Variants in RRP12 observed in about 807,000 individuals in gnomAD.
RRP12 encodes the protein ribosomal RNA processing 12 homolog.
RRP12 carries 78 observed loss-of-function variants against 157.3 expected under a neutral mutation model. The observed-to-expected ratio is 0.50, with a 90% CI of 0.41 to 0.60. RRP12 has a LOEUF of 0.60. Ranked by LOEUF, RRP12 falls within the 20% of genes least tolerant of loss-of-function variation. The pLI is 0.00. For synonymous variants in RRP12, 726 were observed against 670.9 expected, an observed-to-expected ratio of 1.08 and a Z score of -1.27; for missense variants, 1,521 against 1,679.9, an observed-to-expected ratio of 0.91 and a Z score of 1.65.
chr10:97,395,124 C>G (rs896977806), intron 3 of RRP12, among the ~76,000 whole-genome samples: 1 of 151,904 alleles, frequency 6.6e-6, no homozygotes, highest in Non-Finnish European at 1.5e-5. Context: ...GCCTGGGCAA[C>G]AAAGTGAGAC....
chr10:97,378,031 A>T (rs1348844563), intron 15 of RRP12, among the ~76,000 whole-genome samples: 1 of 152,094 alleles, frequency 6.6e-6, no homozygotes, highest in East Asian at 1.9e-4. Flanking sequence ...CGTAGGCCTG[A>T]GTCTGCCTAA....
chr10:97,386,006 A>G lies in RRP12; in HGVS notation c.1018-13T>C, dbSNP rs78266632. The G allele has an allele frequency of 1.6e-3, 2,505 of 1,558,720 alleles. 30 individuals are homozygous for G. The African/African-American group carries it at 0.027, about 17-fold the overall frequency. On this transcript the variant is annotated splice_polypyrimidine_tract_variant and intron_variant, in intron 8 of 33. Coordinates refer to ENST00000370992, the MANE Select transcript of RRP12 (RefSeq NM_015179.4). The stretch of plus-strand genomic sequence containing the variant: ...AGGCTGTCACCAGCTGGAGGGGGAC[A>G]CACAGGCTTAGAAAGGAACTACAAA...
chr10:97,395,237 C>T (rs1395055621), intron 3 of RRP12, among the ~76,000 whole-genome samples: 4 of 151,406 alleles, frequency 2.6e-5, no homozygotes, highest in African/African-American at 9.7e-5. Context: ...CATACATACA[C>T]AAATATATTT....
intron 8 of RRP12, among the ~76,000 whole-genome samples, chr10:97,387,491 G>A (rs1054260555): frequency 9.9e-5 from 15 of 152,040 alleles, no homozygotes; most frequent in African/African-American, 3.4e-4. Flanking sequence ...GTGCAGCCAT[G>A]CCCAGTTTCC....
intron 15 of RRP12, among the ~76,000 whole-genome samples, chr10:97,377,973 A>C (rs948265771): frequency 6.6e-6 from 1 of 152,346 alleles, no homozygotes; most frequent in East Asian, 1.9e-4. Flanking sequence ...AAGCTTCTGA[A>C]GCCATCACTA....
At chr10:97,383,122 G>A in intron 10 of RRP12, among the ~76,000 whole-genome samples, 1 of 152,140 alleles carries the variant, frequency 6.6e-6, no homozygotes, top group East Asian at 1.9e-4. Flanking sequence ...CCCCTCTGTG[G>A]GACACTTAGC....
Position 97,366,112 on chromosome 10 carries a change from G to A in RRP12, c.3513C>T (p.Ala1171=), listed in dbSNP as rs771648313. The A allele has an allele frequency of 6.2e-7, 1 of 1,602,878 alleles. No individual in the cohort carries two copies. The highest frequency in any genetic ancestry group is 8.5e-7 in the Non-Finnish European group (1 of 1,179,866). ...GGACAAGCGCGTTGGGCCCACCTTT[G>A]GCACCTTCCTCTTCCTCCATCTTGT... is the stretch of plus-strand genomic sequence containing the variant. ...DGNKMEEEEG[A]KGEDEEMADP... is the part of the protein sequence containing the mutation. The change falls in exon 29 of 34, where the codon GCC becomes GCT. Residue 1171 remains alanine (A), a synonymous_variant. Coordinates refer to ENST00000370992, the MANE Select transcript of RRP12 (RefSeq NM_015179.4).
In RRP12 at chr10:97,379,307, G is replaced by A; in HGVS notation, c.1784C>T (p.Thr595Ile). 6.2e-7 allele frequency: 1 copy of A among 1,614,070 alleles called. No individual in the cohort carries two copies. Among genetic ancestry groups the A allele is most frequent in the Non-Finnish European group, 8.5e-7 (1 of 1,179,952 alleles). Residue 595 changes from threonine (T) to isoleucine (I), a missense_variant, in exon 15 of 34, where the codon ACC becomes ATC. Physicochemically the swap from Thr to Ile is moderately conservative, Grantham distance 89. Transcript: ENST00000370992. Reference sequence around the variant, plus strand: ...GTCTCTCCTACCTTTGCTCTTCAGGGTGTTAGCCAGGGGCAAGAAGTAGGT... The same window carrying A: ...GTCTCTCCTACCTTTGCTCTTCAGGATGTTAGCCAGGGGCAAGAAGTAGGT... ...FTTYFLPLAN[T>I]LKSKAMDLAQ...
intron 3 of RRP12, among the ~76,000 whole-genome samples, chr10:97,395,771 A>C (rs1393392196): frequency 6.6e-6 from 1 of 151,872 alleles, no homozygotes; most frequent in Non-Finnish European, 1.5e-5. Context: ...GAATCACATG[A>C]ACCCAGGAGG....
At chr10:97,386,075 G>A in intron 8 of RRP12, 82 bp from the exon 9 acceptor site, 5 of 848,872 alleles carry the variant, frequency 5.9e-6, no homozygotes, top group Non-Finnish European at 9.7e-6. Flanking sequence ...CTGTGTGCTA[G>A]GGAGTTGAGG....
At chr10:97,386,765 T>C (rs1039743832) in intron 8 of RRP12, among the ~76,000 whole-genome samples, 37 of 151,690 alleles carry the variant, frequency 2.4e-4, no homozygotes, top group African/African-American at 9.7e-5. Flanking sequence ...CCGAGGTGAG[T>C]GGATCACGAG....
rs984041462 is a variant in RRP12, at chr10:97,357,097, G to A, written c.3891C>T (p.Pro1297=). The change falls in exon 34 of 34, where the codon CCC becomes CCT. Residue 1297 remains proline, a synonymous_variant. Transcript: ENST00000370992. ...GHKNRRKDRR[P] ...GGCAGCCCAGGGGCCCTGGGCCTCAGGGTCGACGATCCTTTCTGCGGTTTT... is the reference window on the plus strand; with the variant it reads ...GGCAGCCCAGGGGCCCTGGGCCTCAAGGTCGACGATCCTTTCTGCGGTTTT... 5 of 1,608,336 alleles carry A rather than the reference G, an allele frequency of 3.1e-6. No individual in the cohort carries two copies. The highest frequency in any genetic ancestry group is 1.1e-5 in the South Asian group (1 of 90,850).
chr10:97,369,223 G>A (rs1844070419), intron 25 of RRP12, among the ~76,000 whole-genome samples: 1 of 152,212 alleles, frequency 6.6e-6, no homozygotes, highest in Non-Finnish European at 1.5e-5. Flanking sequence ...AGGGCTCTGG[G>A]GTGAAGAAAG....
chr10:97,390,777 C>G lies in RRP12; in HGVS notation c.598G>C (p.Ala200Pro). The G allele has an allele frequency of 6.2e-7, 1 of 1,613,914 alleles. No homozygotes were observed. Among genetic ancestry groups the G allele is most frequent in the Non-Finnish European group, 8.5e-7 (1 of 1,179,824 alleles). The stretch of plus-strand genomic sequence containing the variant: ...GAGGTGGAGCCGCTGCTGGCCTGAG[C>G]TGACATGATATCCATGAAGGCTTTG... ...TSKAFMDIMS[A>P]QASSGSTSVL... The change falls in exon 5 of 34, where the codon GCT (alanine) becomes CCT (proline). Residue 200 changes from alanine (A) to proline (P), a missense_variant. Coordinates refer to ENST00000370992, the MANE Select transcript of RRP12 (RefSeq NM_015179.4).
intron 2 of RRP12, among the ~76,000 whole-genome samples, chr10:97,399,996 T>C (rs1845092256): frequency 6.6e-6 from 1 of 152,232 alleles, no homozygotes; most frequent in South Asian, 2.1e-4. Context: ...TAATCACTGT[T>C]ACTCAGCATT....
chr10:97,365,865 T>C, intron 29 of RRP12: 1 of 529,390 alleles, frequency 1.9e-6, no homozygotes. Context: ...TCACACACAG[T>C]AAGGGGAAGT....
At chr10:97,390,668 A>G in intron 5 of RRP12, 71 bp downstream of exon 5, 2 of 1,377,894 alleles carry the variant, frequency 1.5e-6, no homozygotes, top group Non-Finnish European at 2.1e-6. Context: ...CTCTCAGGGA[A>G]CATCTAAGCA....
intron 15 of RRP12, among the ~76,000 whole-genome samples, chr10:97,375,131 A>T (rs547931236): frequency 2.5e-4 from 38 of 152,188 alleles, no homozygotes; most frequent in African/African-American, 8.9e-4. Context: ...GACTTAAAAA[A>T]TATTTTTGTA....
Position 97,392,212 on chromosome 10 carries a change from C to T in RRP12, c.531-1368G>A, listed in dbSNP as rs1031244693. Among the ~76,000 whole-genome samples, 4 of 152,118 alleles carry T rather than the reference C, an allele frequency of 2.6e-5. No individual in the cohort carries two copies. In the East Asian group the frequency reaches 7.7e-4, roughly 29 times the overall value. On this transcript the variant is annotated intron_variant, in intron 4 of 33. Coordinates refer to ENST00000370992, the MANE Select transcript of RRP12 (RefSeq NM_015179.4). The stretch of plus-strand genomic sequence containing the variant: ...GTTTCGAACTCCTGGGCTCAACAGT[C>T]CACCTGCCTCAGCCTCCCAAAGTGC...
Sources: gnomAD v4.1 joint callset for allele counts (sites outside exome capture counted in the v4.1 genomes callset) on GRCh38, gnomAD v4.1.1 for gene constraint, MANE v1.5 for transcripts, NCBI Gene and HGNC (gene_info 2026-07-23, HGNC 2026-07-21) for gene names.